Variants in VTI1A observed in about 807,000 individuals in gnomAD.
VTI1A encodes the protein vesicle transport through interaction with t-SNAREs homolog 1A.
VTI1A carries 22 observed loss-of-function variants against 34.9 expected under a neutral mutation model. The observed-to-expected ratio is 0.63, with a 90% CI of 0.45 to 0.90. The LOEUF is 0.90. Among genes scored for constraint, VTI1A ranks in the 40% least tolerant of loss-of-function variants. The pLI is 0.00. For synonymous variants in VTI1A, 87 were observed against 97.3 expected (o/e 0.89, Z 0.62); for missense variants, 268 against 275.6 (o/e 0.97, Z 0.20).
intron 7 of VTI1A, among the ~76,000 whole-genome samples, chr10:112,811,398 A>G (rs1476324194): frequency 6.6e-6 from 1 of 152,134 alleles, no homozygotes; most frequent in African/African-American, 2.4e-5. Flanking sequence ...CAAGCCTAAC[A>G]TTAAGGTGAG....
chr10:112,694,332 C>T (rs1418845542), intron 7 of VTI1A, among the ~76,000 whole-genome samples: 1 of 151,946 alleles, frequency 6.6e-6, no homozygotes, highest in African/African-American at 2.4e-5. Context: ...CTTGCTAGTT[C>T]CTGGAACAGA....
rs80130826 is a variant in VTI1A at position 112,632,759 on chromosome 10, G to A, written c.428-35459G>A. On this transcript the variant is annotated intron_variant, in intron 5 of 7. Coordinates refer to ENST00000393077, the MANE Select transcript of VTI1A (RefSeq NM_145206.4). ...GTGAGTACAGTGTTCATGGTAATGCGACTTGTAGTATTTGAGCTGTCATTA... is the reference window on the plus strand; with the variant it reads ...GTGAGTACAGTGTTCATGGTAATGCAACTTGTAGTATTTGAGCTGTCATTA... Among the ~76,000 whole-genome samples the A allele has an allele frequency of 7.0e-3, 1,062 of 152,258 alleles. 12 individuals are homozygous for A. The highest frequency in any genetic ancestry group is 0.023 in the African/African-American group (938 of 41,556).
At chr10:112,557,622 C>T (rs1289742877) in intron 5 of VTI1A, among the ~76,000 whole-genome samples, 1 of 152,038 alleles carries the variant, frequency 6.6e-6, no homozygotes, top group Non-Finnish European at 1.5e-5. Flanking sequence ...TTTTAAGGAC[C>T]ATTTATATAT....
chr10:112,756,826 T>A (rs1851297690), intron 7 of VTI1A, among the ~76,000 whole-genome samples: 2 of 151,932 alleles, frequency 1.3e-5, no homozygotes, highest in South Asian at 4.1e-4. Context: ...GCCGGGAGAA[T>A]CCCTGAGTCC....
intron 7 of VTI1A, among the ~76,000 whole-genome samples, chr10:112,789,387 A>G (rs1230412210): frequency 1.3e-5 from 2 of 152,060 alleles, no homozygotes; most frequent in African/African-American, 4.8e-5. Context: ...CTTCTCTTCC[A>G]TTGTTTCTGA....
chr10:112,815,714 G>T lies in VTI1A; in HGVS notation c.*331G>T. On this transcript the variant is annotated 3_prime_UTR_variant, in exon 8 of 8. Transcript: ENST00000393077. ...CTGGACGTGTCAAGGGCCGTGGTTT[G>T]GGAGAGGACATGATGAGTCAGTCAC... 3.2e-6 allele frequency: 1 copy of T among 316,228 alleles called. No homozygotes were observed. Among genetic ancestry groups the T allele is most frequent in the Admixed American group, 4.6e-5 (1 of 21,548 alleles). 19.6% of individuals were successfully genotyped at this position (316,228 alleles called of 1,614,324 possible).
chr10:112,719,177 C>T (rs1423641231), intron 7 of VTI1A, among the ~76,000 whole-genome samples: 2 of 152,144 alleles, frequency 1.3e-5, no homozygotes, highest in African/African-American at 4.8e-5. Context: ...ATCACTGAGT[C>T]GATCCTCGGT....
chr10:112,752,635 T>G, intron 7 of VTI1A: 6 of 947,754 alleles, frequency 6.3e-6, no homozygotes, highest in Non-Finnish European at 6.3e-6. Flanking sequence ...TAAGGCCCAT[T>G]TGCTTTAGCT....
At chr10:112,759,094 G>C (rs576803482) in intron 7 of VTI1A, among the ~76,000 whole-genome samples, 2 of 152,300 alleles carry the variant, frequency 1.3e-5, no homozygotes, top group East Asian at 3.9e-4. Flanking sequence ...GGCTACCAGA[G>C]GGGAGGTCTT....
At chr10:112,594,253 T>C (rs1050393809) in intron 5 of VTI1A, among the ~76,000 whole-genome samples, 5 of 152,172 alleles carry the variant, frequency 3.3e-5, no homozygotes, top group African/African-American at 7.2e-5. Flanking sequence ...GCACTTGTTA[T>C]CATCCTCTAA....
intron 5 of VTI1A, among the ~76,000 whole-genome samples, chr10:112,632,089 G>A (rs974137587): frequency 9.2e-5 from 14 of 152,164 alleles, no homozygotes; most frequent in African/African-American, 1.7e-4. Flanking sequence ...GTGTCCATCA[G>A]TTGGGGTAGT....
chr10:112,628,001 G>A (rs1359968773), intron 5 of VTI1A, among the ~76,000 whole-genome samples: 1 of 152,162 alleles, frequency 6.6e-6, no homozygotes, highest in Non-Finnish European at 1.5e-5. Flanking sequence ...GTGTGTTGGA[G>A]AAGTGGACGC....
At chr10:112,705,538 T>A (rs1849166373) in intron 7 of VTI1A, among the ~76,000 whole-genome samples, 1 of 152,112 alleles carries the variant, frequency 6.6e-6, no homozygotes, top group South Asian at 2.1e-4. Context: ...CACACATTTC[T>A]GGGAAGTGCA....
At chr10:112,787,601 A>C (rs1852326433) in intron 7 of VTI1A, among the ~76,000 whole-genome samples, 1 of 145,280 alleles carries the variant, frequency 6.9e-6, no homozygotes, top group Admixed American at 6.8e-5. Flanking sequence ...TTTTGTTGTG[A>C]TTTTTTTCTT....
At chr10:112,684,525 G>A (rs1055103001) in intron 7 of VTI1A, among the ~76,000 whole-genome samples, 3 of 141,048 alleles carry the variant, frequency 2.1e-5, no homozygotes, top group East Asian at 2.2e-4. Context: ...TCCAACCTCC[G>A]CCTCCTGGGT....
Position 112,719,460 on chromosome 10 carries a change from A to G in VTI1A, c.560+50462A>G, listed in dbSNP as rs139175874. On this transcript the variant is annotated intron_variant, in intron 7 of 7. Coordinates refer to ENST00000393077, the MANE Select transcript of VTI1A (RefSeq NM_145206.4). ...TTTATTGAGATATAATTTATATGTT[A>G]TATAATGCGCCCATTTAAAATGTAC... 3.8e-3 allele frequency among the ~76,000 whole-genome samples: 579 copies of G among 152,216 alleles called. 5 individuals are homozygous for G. The highest frequency in any genetic ancestry group is 0.013 in the African/African-American group (546 of 41,528).
intron 7 of VTI1A, among the ~76,000 whole-genome samples, chr10:112,791,983 A>T (rs1852495764): frequency 6.6e-6 from 1 of 152,164 alleles, no homozygotes; most frequent in Admixed American, 6.5e-5. Flanking sequence ...TCAATTAAAA[A>T]CTGTGGACTC....
intron 5 of VTI1A, among the ~76,000 whole-genome samples, chr10:112,574,448 C>T (rs1042776780): frequency 3.9e-5 from 6 of 152,208 alleles, no homozygotes; most frequent in East Asian, 3.8e-4. Flanking sequence ...CAGTCTTATT[C>T]GTTCATTGCT....
chr10:112,686,102 G>A (rs1848400881), intron 7 of VTI1A, among the ~76,000 whole-genome samples: 1 of 152,246 alleles, frequency 6.6e-6, no homozygotes, highest in South Asian at 2.1e-4. Flanking sequence ...TGGAGAAAAG[G>A]AAAAGAAGAC....
Sources: gnomAD v4.1 joint callset for allele counts (sites outside exome capture counted in the v4.1 genomes callset) on GRCh38, gnomAD v4.1.1 for gene constraint, MANE v1.5 for transcripts, NCBI Gene and HGNC (gene_info 2026-07-23, HGNC 2026-07-21) for gene names.